The following IPO11 variants were observed in gnomAD, a reference collection of about 807,000 sequenced individuals.
IPO11 encodes the protein importin 11.
A neutral mutation model predicts 143.2 loss-of-function variants in IPO11; 66 were observed. The observed-to-expected ratio is 0.46, with a 90% CI of 0.38 to 0.57. IPO11 has a LOEUF of 0.57. Among genes scored for constraint, IPO11 ranks in the 20% least tolerant of loss-of-function variants. The pLI is 0.00. For synonymous variants in IPO11, 385 were observed against 377.8 expected, an observed-to-expected ratio of 1.02 and a Z score of -0.22; for missense variants, 1,026 against 1,141.0, an observed-to-expected ratio of 0.90 and a Z score of 1.45.
chr5:62,565,671 T>G (rs986515440), intron 27 of IPO11, among the ~76,000 whole-genome samples: 3 of 152,128 alleles, frequency 2.0e-5, no homozygotes, highest in African/African-American at 7.2e-5. Context: ...TTTTCATACT[T>G]TAAGTTCCAG....
Position 62,550,431 on chromosome 5 carries a change from C to T in IPO11, c.2315C>T (p.Pro772Leu), listed in dbSNP as rs1455682892. The change falls in exon 25 of 30, where the codon CCC becomes CTC. Residue 772 changes from proline (P) to leucine (L), a missense_variant. This residue lies in a region of IPO11 where 351 missense variants were observed against 358.9 expected (regional missense o/e 0.98). Coordinates refer to ENST00000325324, the MANE Select transcript of IPO11 (RefSeq NM_016338.5). ...CCACAAATGTTTCAACCGATTTTAC[C>T]CTATGTTTTCAAGGGTATTATAGAA... is the stretch of plus-strand genomic sequence containing the variant. ...LGPQMFQPIL[P>L]YVFKGIIEGE... The T allele has an allele frequency of 6.2e-7, 1 of 1,612,492 alleles. No individual in the cohort carries two copies.
intron 9 of IPO11, among the ~76,000 whole-genome samples, chr5:62,482,326 T>C (rs1035777441): frequency 3.9e-4 from 59 of 152,250 alleles, no homozygotes; most frequent in Non-Finnish European, 1.5e-4. Context: ...TGCCTTCTGC[T>C]AGCTTTGGAA....
intron 26 of IPO11, among the ~76,000 whole-genome samples, chr5:62,552,512 A>G (rs1354594145): frequency 2.0e-5 from 3 of 147,652 alleles, no homozygotes; most frequent in African/African-American, 2.5e-5. Context: ...AGGTCTTGCT[A>G]TATTTTCCAA....
chr5:62,473,645 T>C (rs1745860308), intron 7 of IPO11, among the ~76,000 whole-genome samples: 1 of 152,196 alleles, frequency 6.6e-6, no homozygotes, highest in South Asian at 2.1e-4. Flanking sequence ...CAAATGAGAC[T>C]ACCTCATTTG....
At chr5:62,542,145 G>A (rs1333942755) in intron 24 of IPO11, among the ~76,000 whole-genome samples, 1 of 150,656 alleles carries the variant, frequency 6.6e-6, no homozygotes. Flanking sequence ...GCGTGATCTC[G>A]GCTCACCACA....
intron 6 of IPO11, among the ~76,000 whole-genome samples, chr5:62,468,923 A>T (rs889584057): frequency 2.0e-5 from 3 of 152,210 alleles, no homozygotes; most frequent in Non-Finnish European, 4.4e-5. Flanking sequence ...ACGTGCATTT[A>T]GTATCTTTTA....
chr5:62,446,261 G>A (rs150565484), intron 3 of IPO11, among the ~76,000 whole-genome samples: 2,657 of 152,296 alleles, frequency 0.017, 72 homozygotes, highest in African/African-American at 0.059. Flanking sequence ...GTAACTGCCA[G>A]TTGGAACTAG....
At chr5:62,416,282 A>G (rs1434265477) in intron 1 of IPO11, among the ~76,000 whole-genome samples, 1 of 146,290 alleles carries the variant, frequency 6.8e-6, no homozygotes, top group East Asian at 2.0e-4. Context: ...TTCCCGGTTC[A>G]AGCGATTCTC....
At chr5:62,571,696 T>A (rs1263218699) in intron 27 of IPO11, among the ~76,000 whole-genome samples, 1 of 151,892 alleles carries the variant, frequency 6.6e-6, no homozygotes, top group African/African-American at 2.4e-5. Context: ...AACTTTTTTT[T>A]TTTTTTTTTG....
chr5:62,506,164 T>G (rs1267025451), intron 18 of IPO11, 77 bp from the exon 19 acceptor site: 1 of 702,606 alleles, frequency 1.4e-6, no homozygotes, highest in African/African-American at 1.8e-5. Flanking sequence ...ATTTATTTCT[T>G]ACTTCTGTTC....
At chr5:62,466,128 ATCC>A (rs1266438186) in intron 5 of IPO11, among the ~76,000 whole-genome samples, 1 of 152,194 alleles carries the variant, frequency 6.6e-6, no homozygotes, top group Non-Finnish European at 1.5e-5. Flanking sequence ...CAAGCCTTCT[ATCC>A]TCTTGTGTTC....
intron 2 of IPO11, among the ~76,000 whole-genome samples, chr5:62,438,233 G>T (rs1744310293): frequency 6.6e-6 from 1 of 152,088 alleles, no homozygotes; most frequent in South Asian, 2.1e-4. Context: ...AAAAGTTTGA[G>T]TTGTTTGTTA....
chr5:62,494,054 A>G lies in IPO11; in HGVS notation c.1520A>G (p.Lys507Arg). 1.2e-6 allele frequency: 2 copies of G among 1,613,600 alleles called. No homozygotes were observed. Among genetic ancestry groups the G allele is most frequent in the Non-Finnish European group, 1.7e-6 (2 of 1,179,682 alleles). Residue 507 changes from lysine to arginine, a missense_variant, in exon 16 of 30, where the codon AAA becomes AGA. This residue lies in a region of IPO11 where 237 missense variants were observed against 288.0 expected (regional missense o/e 0.82). Transcript: ENST00000325324. ...CTCATCGGTCAGTGGATTTCTGTGA[A>G]ATTCAAGTCTGACTTAAGACCCATG... is the stretch of plus-strand genomic sequence containing the variant. ...IWLIGQWISV[K>R]FKSDLRPMLY...
At chr5:62,520,744 A>G (rs542500262) in intron 20 of IPO11, among the ~76,000 whole-genome samples, 223 of 152,362 alleles carry the variant, frequency 1.5e-3, no homozygotes, top group African/African-American at 4.9e-3. Context: ...TTCTTAATCC[A>G]GTCTATCATT....
rs191860019 is a variant in IPO11, at chr5:62,594,706, T to A, written c.2678+3034T>A. Among the ~76,000 whole-genome samples the A allele has an allele frequency of 7.9e-5, 12 of 152,292 alleles. No homozygotes were observed. In the East Asian group the frequency reaches 2.1e-3, roughly 27 times the overall value. On this transcript the variant is annotated intron_variant, in intron 28 of 29. Coordinates refer to ENST00000325324, the MANE Select transcript of IPO11 (RefSeq NM_016338.5). The stretch of plus-strand genomic sequence containing the variant: ...CTAAGAAAGCCTTGTTGACAGATCA[T>A]CTTTTTATTCAAACTGTTTACACCA...
intron 24 of IPO11, among the ~76,000 whole-genome samples, chr5:62,546,160 GCA>G (rs1228395512): frequency 8.5e-5 from 13 of 152,278 alleles, no homozygotes; most frequent in Admixed American, 2.0e-4. Context: ...TATGTTTATT[GCA>G]GCACTATTCA....
chr5:62,414,099 A>G (rs1743211030), intron 1 of IPO11, among the ~76,000 whole-genome samples: 1 of 152,256 alleles, frequency 6.6e-6, no homozygotes, highest in African/African-American at 2.4e-5. Context: ...TTCTAAGGCC[A>G]AAGAGAATTT....
intron 24 of IPO11, among the ~76,000 whole-genome samples, chr5:62,543,661 A>G (rs1164719550): frequency 6.6e-6 from 1 of 152,098 alleles, no homozygotes; most frequent in African/African-American, 2.4e-5. Context: ...GATTTTTTGA[A>G]GGGTTTTTTG....
chr5:62,525,631 G>A (rs1004481623), intron 20 of IPO11, among the ~76,000 whole-genome samples: 1 of 152,154 alleles, frequency 6.6e-6, no homozygotes, highest in Admixed American at 6.5e-5. Flanking sequence ...CAGTCCTCCC[G>A]CCTTGGCCTC....
Sources: gnomAD v4.1 joint callset for allele counts (sites outside exome capture counted in the v4.1 genomes callset) on GRCh38, gnomAD v4.1.1 for gene constraint, gnomAD v4.1.1 regional missense constraint, MANE v1.5 for transcripts, NCBI Gene and HGNC (gene_info 2026-07-23, HGNC 2026-07-21) for gene names.